Variants in FBXO4 observed in about 807,000 individuals in gnomAD.
FBXO4 encodes F-box protein 4.
Under a neutral mutation model 43.7 loss-of-function variants are expected in FBXO4, and 36 were observed. That is an observed-to-expected ratio of 0.82 (90% CI 0.63 to 1.09). The LOEUF (loss-of-function observed/expected upper bound fraction) is 1.09, where lower values mean the gene tolerates loss of function less well. Among genes scored for constraint, FBXO4 ranks in the 50% least tolerant of loss-of-function variants. The probability of loss-of-function intolerance (pLI) is 0.00; values close to 1 mark genes in which losing one functional copy is unlikely to be tolerated. For missense variants in FBXO4, 435 were observed against 474.1 expected, an observed-to-expected ratio of 0.92 and a Z score of 0.77; for synonymous variants, 180 against 165.6, an observed-to-expected ratio of 1.09 and a Z score of -0.67.
At chr5:41,967,838 T>G in the FBXO4 span, 1 of 595,150 alleles carries the variant, frequency 1.7e-6, no homozygotes, top group African/African-American at 1.8e-5. Flanking sequence ...TTCAATTTAT[T>G]GATTAAATTC....
rs762976512 is a variant in FBXO4 at position 41,933,999 on chromosome 5, C to G, written c.700C>G (p.Leu234Val). ...GAACAACCAACATAAATTCAACATT[C>G]TAATCTTATATTCAACTACCAGGTA... is the stretch of plus-strand genomic sequence containing the variant. ...QLNNQHKFNI[L>V]ILYSTTRKER... Residue 234 changes from leucine to valine, a missense_variant, in exon 4 of 7, where the codon CTA becomes GTA. Leu to Val is a conservative substitution (Grantham distance 32). Coordinates refer to ENST00000281623, the MANE Select transcript of FBXO4 (RefSeq NM_012176.3). 9 of 1,613,690 alleles carry G rather than the reference C, an allele frequency of 5.6e-6. No individual in the cohort carries two copies. The highest frequency in any genetic ancestry group is 6.8e-6 in the Non-Finnish European group (8 of 1,179,882).
chr5:41,939,454 A>G lies in FBXO4; in HGVS notation c.912A>G (p.Gln304=). Residue 304 remains glutamine (Q), a synonymous_variant, in exon 6 of 7, where the codon CAA becomes CAG. Coordinates refer to ENST00000281623, the MANE Select transcript of FBXO4 (RefSeq NM_012176.3). The part of the protein sequence containing the change: ...NAEAHKRHEW[Q]DEFSHIMAMT... Reference sequence around the variant, plus strand: ...TACATTCCTTAGGACATGAATGGCAAGATGAATTTTCTCATATTATGGCAA... The same window carrying G: ...TACATTCCTTAGGACATGAATGGCAGGATGAATTTTCTCATATTATGGCAA... 1 of 1,609,948 alleles carries G rather than the reference A, an allele frequency of 6.2e-7. No individual in the cohort carries two copies. The highest frequency in any genetic ancestry group is 1.1e-5 in the South Asian group (1 of 90,318).
the FBXO4 span, among the ~76,000 whole-genome samples, chr5:42,035,489 C>T: frequency 1.3e-5 from 2 of 152,220 alleles, no homozygotes; most frequent in East Asian, 3.9e-4. Flanking sequence ...CTGTTAATCT[C>T]ATAGTTGCAG....
chr5:41,966,761 G>T, the FBXO4 span, among the ~76,000 whole-genome samples: 10 of 152,088 alleles, frequency 6.6e-5, no homozygotes, highest in East Asian at 1.9e-3. Context: ...GAACTCAAAA[G>T]GTTTGGTACC....
the FBXO4 span, among the ~76,000 whole-genome samples, chr5:41,973,813 T>C: frequency 6.6e-6 from 1 of 152,254 alleles, no homozygotes; most frequent in Non-Finnish European, 1.5e-5. Flanking sequence ...AATGGGTTGA[T>C]AATGGGTTAA....
the FBXO4 span, among the ~76,000 whole-genome samples, chr5:42,011,358 C>T: frequency 6.6e-6 from 1 of 152,174 alleles, no homozygotes; most frequent in Non-Finnish European, 1.5e-5. Context: ...TGTTCCTTCT[C>T]ATGTTTGGTC....
the FBXO4 span, among the ~76,000 whole-genome samples, chr5:42,023,228 T>C: frequency 1.3e-5 from 2 of 152,106 alleles, no homozygotes; most frequent in Non-Finnish European, 2.9e-5. Context: ...AGTTCATAGA[T>C]AGCACATAGT....
chr5:41,980,578 G>C, the FBXO4 span, among the ~76,000 whole-genome samples: 1 of 151,940 alleles, frequency 6.6e-6, no homozygotes, highest in Non-Finnish European at 1.5e-5. Context: ...TAGGGATTGT[G>C]ATTCCAAAAC....
the FBXO4 span, among the ~76,000 whole-genome samples, chr5:41,969,329 A>G: frequency 6.6e-6 from 1 of 152,194 alleles, no homozygotes; most frequent in African/African-American, 2.4e-5. Flanking sequence ...ACCTAAGTCA[A>G]AAAGTAAAAC....
At chr5:41,986,122 G>A in the FBXO4 span, among the ~76,000 whole-genome samples, 43 of 152,190 alleles carry the variant, frequency 2.8e-4, no homozygotes, top group African/African-American at 1.0e-3. Flanking sequence ...AATTTAGAAA[G>A]TATTGCGTAA....
chr5:41,930,661 T>C (rs1258706004), intron 3 of FBXO4, among the ~76,000 whole-genome samples: 1 of 151,492 alleles, frequency 6.6e-6, no homozygotes, highest in East Asian at 1.9e-4. Flanking sequence ...TTTCTTTCTT[T>C]CTTTCTTTCT....
the FBXO4 span, among the ~76,000 whole-genome samples, chr5:41,973,026 A>G: frequency 1.3e-5 from 2 of 152,200 alleles, no homozygotes; most frequent in African/African-American, 4.8e-5. Context: ...AGATTTCATG[A>G]TGAAGACTCC....
the FBXO4 span, among the ~76,000 whole-genome samples, chr5:42,033,236 G>T: frequency 6.6e-6 from 1 of 152,122 alleles, no homozygotes; most frequent in African/African-American, 2.4e-5. Context: ...CATCCTAGCA[G>T]GTTGCATCTT....
chr5:41,942,245 C>G (rs944871908), downstream of FBXO4, among the ~76,000 whole-genome samples: 30 of 151,830 alleles, frequency 2.0e-4, no homozygotes, highest in Non-Finnish European at 1.5e-5. Context: ...AGGAGACCTT[C>G]GAGAAAGACC....
At chr5:42,011,030 C>T in the FBXO4 span, among the ~76,000 whole-genome samples, 5 of 152,120 alleles carry the variant, frequency 3.3e-5, no homozygotes, top group African/African-American at 1.2e-4. Flanking sequence ...TCCCCTAGCC[C>T]CCAACCCAGT....
the FBXO4 span, among the ~76,000 whole-genome samples, chr5:41,990,510 T>A: frequency 6.6e-6 from 1 of 152,192 alleles, no homozygotes; most frequent in Non-Finnish European, 1.5e-5. Context: ...AAGACTTCTC[T>A]GAGAAAATAA....
At chr5:41,955,847 A>G in the FBXO4 span, among the ~76,000 whole-genome samples, 3 of 152,320 alleles carry the variant, frequency 2.0e-5, no homozygotes, top group Admixed American at 6.5e-5. Context: ...CCAGCATGGG[A>G]AATTTCATAA....
Position 41,925,295 on chromosome 5 carries a change from C to A in FBXO4, c.-15C>A. The A allele has an allele frequency of 7.5e-7, 1 of 1,325,974 alleles. No individual in the cohort carries two copies. Among genetic ancestry groups the A allele is most frequent in the Non-Finnish European group, 9.7e-7 (1 of 1,032,642 alleles). The allele number at this position is 1,325,974 out of a possible 1,614,324, so 82.1% of individuals were successfully genotyped here. A position where few individuals can be genotyped will look rare whatever the true frequency, so the allele number is the denominator to read the frequency against. ...GCGTGGCTCTAAGACGCGTCACCCA[C>A]GCTGCGGGCAAGCCATGGCGGGAAG... On this transcript the variant is annotated 5_prime_UTR_variant, in exon 1 of 7. Transcript: ENST00000281623.
At chr5:41,947,122 T>C in the FBXO4 span, among the ~76,000 whole-genome samples, 11 of 152,154 alleles carry the variant, frequency 7.2e-5, no homozygotes, top group African/African-American at 2.7e-4. Context: ...AAAATTGAAA[T>C]CTTATTGTGT....
Sources: allele counts gnomAD v4.1 joint callset (sites outside exome capture counted in the v4.1 genomes callset), GRCh38; gene constraint gnomAD v4.1.1; transcripts MANE v1.5; gene names NCBI Gene and HGNC (gene_info 2026-07-23, HGNC 2026-07-21).